The following FAM227B variants were observed in gnomAD, a reference collection of about 807,000 sequenced individuals.
FAM227B encodes family with sequence similarity 227 member B.
A neutral mutation model predicts 73.8 loss-of-function variants in FAM227B; 88 were observed. That is an observed-to-expected ratio of 1.19 (90% CI 1.00 to 1.42). The LOEUF (loss-of-function observed/expected upper bound fraction) is 1.42, where lower values mean the gene tolerates loss of function less well. Ranked by LOEUF, FAM227B falls within the 40% of genes most tolerant of loss-of-function variation. The pLI, the probability that FAM227B is intolerant of heterozygous loss-of-function variation, is 0.00. For synonymous variants in FAM227B, 210 were observed against 190.5 expected (o/e 1.10, Z -0.84); for missense variants, 632 against 590.9 (o/e 1.07, Z -0.72).
intron 11 of FAM227B, among the ~76,000 whole-genome samples, chr15:49,415,541 T>G (rs2049153781): frequency 6.6e-6 from 1 of 152,168 alleles, no homozygotes; most frequent in Admixed American, 6.6e-5. Context: ...CCCAAACTAG[T>G]AGCTCCAACT....
chr15:49,416,144 AC>A (rs2049195895), intron 11 of FAM227B, among the ~76,000 whole-genome samples: 2 of 57,570 alleles, frequency 3.5e-5, no homozygotes, highest in South Asian at 8.7e-4. Flanking sequence ...GATCCACCCC[AC>A]CCCCCACCCC....
At chr15:49,515,531 G>A (rs1486115835) in intron 10 of FAM227B, among the ~76,000 whole-genome samples, 3 of 151,710 alleles carry the variant, frequency 2.0e-5, no homozygotes, top group Non-Finnish European at 4.4e-5. Flanking sequence ...TATAATTTTT[G>A]TTGAAGACCA....
intron 11 of FAM227B, among the ~76,000 whole-genome samples, chr15:49,412,087 A>T (rs951962697): frequency 2.0e-5 from 3 of 152,070 alleles, no homozygotes; most frequent in Admixed American, 6.6e-5. Context: ...TTGTATTTCT[A>T]CTTATTCAGC....
intron 8 of FAM227B, among the ~76,000 whole-genome samples, chr15:49,571,010 G>A (rs1008878563): frequency 2.0e-5 from 3 of 149,776 alleles, no homozygotes; most frequent in Non-Finnish European, 4.4e-5. Flanking sequence ...TTCATATCTC[G>A]GTTATTGCAA....
At chr15:49,397,800 G>C (rs1012474165) in intron 11 of FAM227B, among the ~76,000 whole-genome samples, 2 of 152,122 alleles carry the variant, frequency 1.3e-5, no homozygotes, top group Non-Finnish European at 2.9e-5. Context: ...CAAATGCTGA[G>C]ACATTTTGTC....
At chr15:49,557,075 C>G (rs1228373802) in intron 9 of FAM227B, among the ~76,000 whole-genome samples, 2 of 152,144 alleles carry the variant, frequency 1.3e-5, no homozygotes, top group Non-Finnish European at 2.9e-5. Flanking sequence ...CCCCCTCCAT[C>G]CCAGTATGTG....
At chr15:49,364,125 C>T (rs1264114193) in intron 13 of FAM227B, among the ~76,000 whole-genome samples, 1 of 152,092 alleles carries the variant, frequency 6.6e-6, no homozygotes, top group Non-Finnish European at 1.5e-5. Flanking sequence ...TGATGCTGGC[C>T]TCAGAATGAG....
chr15:49,377,280 G>A (rs1020080032), intron 11 of FAM227B, among the ~76,000 whole-genome samples: 1 of 151,892 alleles, frequency 6.6e-6, no homozygotes, highest in South Asian at 2.1e-4. Flanking sequence ...TGGACATTTA[G>A]GTTGCTTCCA....
At chr15:49,374,189 T>C (rs2046012626) in intron 11 of FAM227B, among the ~76,000 whole-genome samples, 2 of 152,112 alleles carry the variant, frequency 1.3e-5, no homozygotes. Context: ...TCTTTCAGAG[T>C]CATTTACAAA....
At chr15:49,442,154 CT>C (rs926552522) in intron 11 of FAM227B, among the ~76,000 whole-genome samples, 1 of 151,406 alleles carries the variant, frequency 6.6e-6, no homozygotes, top group Non-Finnish European at 1.5e-5. Flanking sequence ...TCATTTGGCT[CT>C]TTTTTTTCTT....
intron 13 of FAM227B, among the ~76,000 whole-genome samples, chr15:49,342,005 T>G (rs892329982): frequency 6.6e-6 from 1 of 152,222 alleles, no homozygotes; most frequent in Non-Finnish European, 1.5e-5. Context: ...ATGTATTTTC[T>G]GTGGTTGATG....
chr15:49,605,205 C>A (rs990055149), intron 3 of FAM227B, among the ~76,000 whole-genome samples: 13 of 152,090 alleles, frequency 8.5e-5, no homozygotes, highest in African/African-American at 3.1e-4. Context: ...GTAGGCAGGC[C>A]AGCTGGTGGG....
chr15:49,423,989 C>T, intron 11 of FAM227B: 1 of 252,750 alleles, frequency 4.0e-6, no homozygotes, highest in African/African-American at 2.2e-5. Flanking sequence ...TTTTATCTTC[C>T]TCTCTCCTCC....
intron 3 of FAM227B, among the ~76,000 whole-genome samples, chr15:49,598,303 G>A (rs183503590): frequency 3.2e-4 from 48 of 151,992 alleles, no homozygotes; most frequent in Admixed American, 2.9e-3. Context: ...ATTTTTGAAT[G>A]TTGATTCCAT....
At chr15:49,605,901 G>A (rs2077488820) in intron 3 of FAM227B, among the ~76,000 whole-genome samples, 1 of 152,048 alleles carries the variant, frequency 6.6e-6, no homozygotes, top group African/African-American at 2.4e-5. Context: ...CTTGGAGACT[G>A]GGTCTACAGG....
rs953859916 is a variant in FAM227B at position 49,558,199 on chromosome 15, G to A, written c.747+10046C>T. 7.2e-5 allele frequency among the ~76,000 whole-genome samples: 11 copies of A among 151,844 alleles called. 1 individual carries two copies. The highest frequency in any genetic ancestry group is 2.4e-4 in the African/African-American group (10 of 41,316). On this transcript the variant is annotated intron_variant, in intron 9 of 15. Coordinates refer to ENST00000299338, the MANE Select transcript of FAM227B (RefSeq NM_152647.3). The stretch of plus-strand genomic sequence containing the variant: ...CCAGAAAGCACCCAGACTAAAGACC[G>A]TGTGACCCCTACCCACACTGCTCCT...
chr15:49,327,448 C>T lies in FAM227B; in HGVS notation c.*1120G>A, dbSNP rs999354257. On this transcript the variant is annotated 3_prime_UTR_variant, in exon 16 of 16. Coordinates refer to ENST00000299338, the MANE Select transcript of FAM227B (RefSeq NM_152647.3). ...TATCTGTTCTAGGGGACTGATTCTT[C>T]TTTGAAACAGCCCGGCCTTAAGAAT... 4.6e-5 allele frequency: 7 copies of T among 152,466 alleles called. No homozygotes were observed. Among genetic ancestry groups the T allele is most frequent in the African/African-American group, 1.7e-4 (7 of 41,448 alleles). 9.4% of individuals were successfully genotyped at this position (152,466 alleles called of 1,614,324 possible).
chr15:49,569,215 T>C (rs913348516), intron 8 of FAM227B, among the ~76,000 whole-genome samples: 6 of 151,870 alleles, frequency 4.0e-5, no homozygotes, highest in Non-Finnish European at 5.9e-5. Context: ...AAATTGAAAA[T>C]ATTGCCCCCA....
chr15:49,519,213 G>C (rs989076432), intron 10 of FAM227B, among the ~76,000 whole-genome samples: 2 of 152,176 alleles, frequency 1.3e-5, no homozygotes, highest in Non-Finnish European at 2.9e-5. Context: ...GCTTTGCAGG[G>C]TACAGCTTCC....
Sources: allele counts gnomAD v4.1 joint callset (sites outside exome capture counted in the v4.1 genomes callset), GRCh38; gene constraint gnomAD v4.1.1; transcripts MANE v1.5; gene names NCBI Gene and HGNC (gene_info 2026-07-23, HGNC 2026-07-21).